Variants in PLEKHM2 observed in about 807,000 individuals in gnomAD.
The protein encoded by PLEKHM2 is pleckstrin homology and RUN domain containing M2.
A neutral mutation model predicts 116.3 loss-of-function variants in PLEKHM2; 77 were observed. That is an observed-to-expected ratio of 0.66 (90% confidence interval 0.55 to 0.80). The LOEUF is 0.80. Ranked by LOEUF, PLEKHM2 falls within the 30% of genes least tolerant of loss-of-function variation. The probability of loss-of-function intolerance (pLI) is 0.00; values close to 1 mark genes in which losing one functional copy is unlikely to be tolerated. For missense variants in PLEKHM2, 1,183 were observed against 1,354.9 expected, an observed-to-expected ratio of 0.87 and a Z score of 1.99; for synonymous variants, 562 against 571.0, an observed-to-expected ratio of 0.98 and a Z score of 0.22.
intron 1 of PLEKHM2, among the ~76,000 whole-genome samples, chr1:15,685,541 G>GAAAAAAAAAAAAAAAA (rs200301672): frequency 1.4e-4 from 10 of 73,530 alleles, no homozygotes; most frequent in African/African-American, 1.7e-4. Context: ...CTCAGAAACT[G>GAAAAAAAAAAAAAAAA]AAAAAAAAAA....
At chr1:15,726,638 C>T (rs760946422) in intron 8 of PLEKHM2, among the ~76,000 whole-genome samples, 7 of 152,218 alleles carry the variant, frequency 4.6e-5, no homozygotes, top group Non-Finnish European at 1.0e-4. Context: ...TCGGGATCCA[C>T]ATCCGAAGGG....
intron 3 of PLEKHM2, 26 bp downstream of exon 3, chr1:15,716,842 G>A: frequency 6.4e-7 from 1 of 1,552,062 alleles, no homozygotes; most frequent in Middle Eastern, 1.7e-4. Flanking sequence ...GAGACGCTGG[G>A]GAAGGGACCA....
rs1295574333 is a variant in PLEKHM2 at position 15,727,119 on chromosome 1, G to A, written c.1047G>A (p.Gly349=). ...GCCAGAAGAAATGTGCCAAGCAGGGGGACGGTGACAGCCGCAACGGCAGCC... is the reference window on the plus strand; with the variant it reads ...GCCAGAAGAAATGTGCCAAGCAGGGAGACGGTGACAGCCGCAACGGCAGCC... ...ACSQKKCAKQ[G]DGDSRNGSPS... Residue 349 remains glycine, a synonymous_variant, in exon 9 of 20, where the codon GGG becomes GGA. Coordinates refer to ENST00000375799, the MANE Select transcript of PLEKHM2 (RefSeq NM_015164.4). This position sits in a 1 kb window ranked among gnomAD's most constrained non-coding sequence, Gnocchi z 7.5. 1 of 1,584,586 alleles carries A rather than the reference G, an allele frequency of 6.3e-7. No individual in the cohort carries two copies. Among genetic ancestry groups the A allele is most frequent in the East Asian group, 2.3e-5 (1 of 44,006 alleles).
In PLEKHM2 at chr1:15,733,717, G is replaced by A. The variant is rs541089981; in HGVS notation, c.2923-80G>A. On this transcript the variant is annotated intron_variant, in intron 19 of 19. Coordinates refer to ENST00000375799, the MANE Select transcript of PLEKHM2 (RefSeq NM_015164.4). ...CAGGGGCTCCGTGGCCAAGGCAGAG[G>A]CAGGCCTGGTGCCCACAAGCCCTGA... 833 of 1,483,850 alleles carry A rather than the reference G, an allele frequency of 5.6e-4. 15 individuals are homozygous for A. The South Asian group carries it at 9.9e-3, about 18-fold the overall frequency. 91.9% of individuals were successfully genotyped at this position (1,483,850 alleles called of 1,614,324 possible).
At chr1:15,725,259 G>A (rs933741072) in intron 7 of PLEKHM2, 58 bp from the exon 8 acceptor site, 10 of 1,284,224 alleles carry the variant, frequency 7.8e-6, no homozygotes, top group Non-Finnish European at 9.9e-6. Context: ...CATGCTCTGG[G>A]GGTCGGGGAC....
At chr1:15,706,329 C>T (rs966857606) in intron 1 of PLEKHM2, among the ~76,000 whole-genome samples, 7 of 152,286 alleles carry the variant, frequency 4.6e-5, no homozygotes, top group Admixed American at 2.6e-4. Context: ...TTCCTCTAAC[C>T]GGAATACTTT....
At chr1:15,705,775 C>T (rs1641214416) in intron 1 of PLEKHM2, among the ~76,000 whole-genome samples, 1 of 152,164 alleles carries the variant, frequency 6.6e-6, no homozygotes, top group Non-Finnish European at 1.5e-5. Context: ...TGGCCTTTCA[C>T]AGTCTGTCTA....
intron 1 of PLEKHM2, among the ~76,000 whole-genome samples, chr1:15,712,713 T>C (rs1641359834): frequency 7.1e-6 from 1 of 141,612 alleles, no homozygotes; most frequent in Non-Finnish European, 1.5e-5. Flanking sequence ...CCATTACAGC[T>C]CACTGCAACC....
intron 1 of PLEKHM2, among the ~76,000 whole-genome samples, chr1:15,709,363 A>T (rs988610043): frequency 6.6e-6 from 1 of 152,106 alleles, no homozygotes; most frequent in Non-Finnish European, 1.5e-5. Flanking sequence ...GAGCCTTCTG[A>T]TACTGGAGCG....
At chr1:15,733,692 CAG>C (rs1210056146) in intron 19 of PLEKHM2, 103 bp from the exon 20 acceptor site, 56 of 1,250,842 alleles carry the variant, frequency 4.5e-5, no homozygotes, top group Middle Eastern at 1.9e-4. Context: ...GAGGGCCTGA[CAG>C]GGGCTCCGTG....
intron 1 of PLEKHM2, among the ~76,000 whole-genome samples, chr1:15,688,368 T>C (rs547159269): frequency 6.6e-6 from 1 of 152,200 alleles, no homozygotes; most frequent in Non-Finnish European, 1.5e-5. Flanking sequence ...ATGATAACAA[T>C]AGGCCAGGCA....
chr1:15,689,778 C>T (rs559248227), intron 1 of PLEKHM2, among the ~76,000 whole-genome samples: 95 of 152,272 alleles, frequency 6.2e-4, no homozygotes, highest in African/African-American at 2.0e-3. Context: ...GTTTTTGAGA[C>T]GGAATTTCGC....
chr1:15,719,436 G>C lies in PLEKHM2; in HGVS notation c.466-298G>C, dbSNP rs2067958002. ...ATTGCACTCCAGCCAGGGCAACAGA[G>C]TGAGACTCTGTCTCAAAAAAAAAAA... is the stretch of plus-strand genomic sequence containing the variant. On this transcript the variant is annotated intron_variant, in intron 5 of 19. Coordinates refer to ENST00000375799, the MANE Select transcript of PLEKHM2 (RefSeq NM_015164.4). The surrounding 1 kb of genome is among the most constrained non-coding windows in gnomAD (Gnocchi z 4.1). Among the ~76,000 whole-genome samples the C allele has an allele frequency of 7.6e-6, 1 of 131,260 alleles. No homozygotes were observed. The highest frequency in any genetic ancestry group is 1.9e-4 in the East Asian group (1 of 5,156). 86.1% of individuals were successfully genotyped at this position (131,260 alleles called of 152,430 possible). A position where few individuals can be genotyped will look rare whatever the true frequency, so the allele number is the denominator to read the frequency against.
intron 1 of PLEKHM2, among the ~76,000 whole-genome samples, chr1:15,701,500 C>T (rs890128084): frequency 2.0e-5 from 3 of 150,404 alleles, no homozygotes; most frequent in South Asian, 2.1e-4. Flanking sequence ...ACTTAAAATA[C>T]CCCAGCTGGC....
At position 15,727,025 on chromosome 1, in the gene PLEKHM2, A is replaced by G. The variant is rs765317374; in HGVS notation, c.953A>G (p.Lys318Arg). The G allele has an allele frequency of 3.4e-6, 5 of 1,474,460 alleles. No homozygotes were observed. In the East Asian group the frequency reaches 9.7e-5, roughly 29 times the overall value. The allele number at this position is 1,474,460 out of a possible 1,614,324, so 91.3% of individuals were successfully genotyped here. A position where few individuals can be genotyped will look rare whatever the true frequency, so the allele number is the denominator to read the frequency against. ...CGTTACTGTCCCAGGGTCACCAAGA[A>G]GAAGAAAATTGGCAAGAAGAAAAAG... The part of the protein sequence containing the change: ...TELEVIRVTK[K>R]KKIGKKKKSR... Residue 318 changes from lysine (K) to arginine (R), a missense_variant, in exon 9 of 20, where the codon AAG becomes AGG. Around this residue, in one of 3 missense-constraint regions of PLEKHM2, gnomAD observed 372 missense variants for 357.2 expected, o/e 1.04. Coordinates refer to ENST00000375799, the MANE Select transcript of PLEKHM2 (RefSeq NM_015164.4). The surrounding 1 kb of genome is among the most constrained non-coding windows in gnomAD (Gnocchi z 7.5).
Position 15,732,688 on chromosome 1 carries a change from T to G in PLEKHM2, c.2882T>G (p.Leu961Trp). Residue 961 changes from leucine to tryptophan, a missense_variant, in exon 19 of 20, where the codon TTG (leucine) becomes TGG (tryptophan). Around this residue, in one of 3 missense-constraint regions of PLEKHM2, gnomAD observed 594 missense variants for 720.1 expected, o/e 0.82. Transcript: ENST00000375799. The part of the protein sequence containing the change: ...YLSCTSELDR[L>W]LSALNSGWKT... ...AGCTGCACTTCTGAACTGGACCGAT[T>G]GCTGTCTGCACTGAACTCTGGGTGG... The G allele has an allele frequency of 6.2e-7, 1 of 1,610,800 alleles. No homozygotes were observed. The highest frequency in any genetic ancestry group is 8.5e-7 in the Non-Finnish European group (1 of 1,178,626).
chr1:15,684,483 C>T lies in PLEKHM2; in HGVS notation c.-76C>T. 9.3e-6 allele frequency: 8 copies of T among 862,352 alleles called. No individual in the cohort carries two copies. The highest frequency in any genetic ancestry group is 1.1e-5 in the Non-Finnish European group (8 of 713,884). 53.4% of individuals were successfully genotyped at this position (862,352 alleles called of 1,614,324 possible). On this transcript the variant is annotated 5_prime_UTR_variant, in exon 1 of 20. Transcript: ENST00000375799. Reference sequence around the variant, plus strand: ...GGCGGCAGCGGTTGGCGGCGGCCCCCGGCCCCCGGCGCGGGAAGCGGCGGC... The same window carrying T: ...GGCGGCAGCGGTTGGCGGCGGCCCCTGGCCCCCGGCGCGGGAAGCGGCGGC...
In PLEKHM2 at chr1:15,713,927, T is replaced by C. The variant is rs191595872; in HGVS notation, c.61-2310T>C. Among the ~76,000 whole-genome samples, 4 of 145,966 alleles carry C rather than the reference T, an allele frequency of 2.7e-5. No homozygotes were observed. The East Asian group carries it at 8.1e-4, about 30-fold the overall frequency. On this transcript the variant is annotated intron_variant, in intron 1 of 19. Coordinates refer to ENST00000375799, the MANE Select transcript of PLEKHM2 (RefSeq NM_015164.4). Reference sequence around the variant, plus strand: ...CGGTGGGATTACAGGCGTGAGCCACTGCAGCCCAGCCCTGTTTTTTTTTTT... The same window carrying C: ...CGGTGGGATTACAGGCGTGAGCCACCGCAGCCCAGCCCTGTTTTTTTTTTT...
At chr1:15,689,782 A>G (rs1640851280) in intron 1 of PLEKHM2, among the ~76,000 whole-genome samples, 1 of 152,068 alleles carries the variant, frequency 6.6e-6, no homozygotes, top group Non-Finnish European at 1.5e-5. Context: ...TTGAGACGGA[A>G]TTTCGCTCTT....
Sources: gnomAD v4.1 joint callset for allele counts (sites outside exome capture counted in the v4.1 genomes callset) on GRCh38, gnomAD v4.1.1 for gene constraint, gnomAD v4.1.1 regional missense constraint, Gnocchi (gnomAD v3.1) non-coding constraint, MANE v1.5 for transcripts, NCBI Gene and HGNC (gene_info 2026-07-23, HGNC 2026-07-21) for gene names.